ANO3: variants seen among roughly 807,000 people sequenced by gnomAD.
ANO3 encodes the protein anoctamin 3.
In ANO3, 99 loss-of-function variants were observed where a neutral mutation model predicts 144.8. The observed-to-expected ratio is 0.68, with a 90% CI of 0.58 to 0.81. ANO3 has a LOEUF of 0.81. Ranked by LOEUF, ANO3 falls within the 30% of genes least tolerant of loss-of-function variation. ANO3 has a pLI of 0.00. For missense variants in ANO3, 905 were observed against 1,202.2 expected, an observed-to-expected ratio of 0.75 and a Z score of 3.66; for synonymous variants, 414 against 392.6, an observed-to-expected ratio of 1.05 and a Z score of -0.64.
intron 1 of ANO3, among the ~76,000 whole-genome samples, chr11:26,347,393 A>G (rs867464448): frequency 2.0e-4 from 31 of 152,260 alleles, no homozygotes; most frequent in African/African-American, 7.5e-4. Context: ...TTGGATATCT[A>G]GCAAGTAGTA....
At chr11:26,283,528 A>C (rs1208829792) in intron 1 of ANO3, among the ~76,000 whole-genome samples, 1 of 151,788 alleles carries the variant, frequency 6.6e-6, no homozygotes, top group Non-Finnish European at 1.5e-5. Flanking sequence ...CATGAAAAGT[A>C]GTTCATAATC....
At chr11:26,641,777 C>T in intron 21 of ANO3, 119 bp from the exon 22 acceptor site, 7 of 1,106,374 alleles carry the variant, frequency 6.3e-6, no homozygotes, top group South Asian at 3.0e-5. Context: ...AAGGTAAAAC[C>T]AAATACCTCC....
intron 1 of ANO3, among the ~76,000 whole-genome samples, chr11:26,202,382 A>G (rs1851714842): frequency 6.8e-6 from 1 of 147,998 alleles, no homozygotes; most frequent in Non-Finnish European, 1.5e-5. Context: ...TTATATATAT[A>G]TCTTAAGAAT....
intron 12 of ANO3, among the ~76,000 whole-genome samples, chr11:26,550,913 G>A (rs11029611): frequency 0.052 from 7,959 of 151,866 alleles, 266 homozygotes; most frequent in Admixed American, 0.095. Context: ...CAATTTCCCC[G>A]CATTCTCACC....
At chr11:26,365,975 TATATATATATATATA>T (rs1322459144) in intron 1 of ANO3, among the ~76,000 whole-genome samples, 17 of 87,536 alleles carry the variant, frequency 1.9e-4, no homozygotes, top group African/African-American at 4.7e-4. Context: ...TATATATATA[TATATATATATATATA>T]TATATATATA....
intron 14 of ANO3, among the ~76,000 whole-genome samples, chr11:26,571,582 C>G (rs2134290265): frequency 6.6e-6 from 1 of 152,104 alleles, no homozygotes; most frequent in East Asian, 1.9e-4. Flanking sequence ...TTTTCCAAAA[C>G]TATTCTAATA....
chr11:26,442,172 T>C, intron 2 of ANO3, 60 bp downstream of exon 2: 1 of 1,496,504 alleles, frequency 6.7e-7, no homozygotes, highest in Non-Finnish European at 9.1e-7. Context: ...TTCCAAACAC[T>C]CCTTTCCTTC....
At chr11:26,253,621 T>C (rs1186443496) in intron 1 of ANO3, among the ~76,000 whole-genome samples, 4 of 151,942 alleles carry the variant, frequency 2.6e-5, no homozygotes, top group African/African-American at 9.6e-5. Context: ...CCGAATGCTT[T>C]GGTTTGAAAT....
intron 6 of ANO3, among the ~76,000 whole-genome samples, chr11:26,518,021 C>T (rs1404866581): frequency 6.6e-6 from 1 of 151,858 alleles, no homozygotes; most frequent in Non-Finnish European, 1.5e-5. Flanking sequence ...TCTCTATAGA[C>T]TTGATATTTA....
intron 1 of ANO3, among the ~76,000 whole-genome samples, chr11:26,303,088 T>G (rs1854275169): frequency 6.6e-6 from 1 of 152,182 alleles, no homozygotes; most frequent in African/African-American, 2.4e-5. Flanking sequence ...TTATACACTG[T>G]TGGTGGAAAT....
chr11:26,330,347 A>G (rs1372108543), upstream of ANO3, among the ~76,000 whole-genome samples: 2 of 152,196 alleles, frequency 1.3e-5, no homozygotes, highest in Non-Finnish European at 2.9e-5. Context: ...CAATATCTGT[A>G]TTAAAAGCCC....
chr11:26,233,066 A>T (rs1190103062), intron 1 of ANO3, among the ~76,000 whole-genome samples: 2 of 151,952 alleles, frequency 1.3e-5, no homozygotes, highest in Non-Finnish European at 2.9e-5. Context: ...AATACAAAAA[A>T]ATTAGCCAGG....
At chr11:26,399,307 G>A (rs1052767595) in intron 1 of ANO3, among the ~76,000 whole-genome samples, 3 of 151,908 alleles carry the variant, frequency 2.0e-5, no homozygotes, top group African/African-American at 7.2e-5. Context: ...GGGGAAGGAT[G>A]GGGCTTTCAA....
At chr11:26,638,996 A>T in intron 20 of ANO3, 148 bp from the exon 21 acceptor site, 2 of 588,204 alleles carry the variant, frequency 3.4e-6, no homozygotes, top group South Asian at 4.4e-5. Flanking sequence ...GTGCCCTCAT[A>T]CATGCTGTTT....
In ANO3 at chr11:26,643,367, GCTAACACCAATA is replaced by G. The variant is rs750377969; in HGVS notation, c.2428+34_2428+45del. 8 of 1,611,926 alleles carry G rather than the reference GCTAACACCAATA, an allele frequency of 5.0e-6. No individual in the cohort carries two copies. In the African/African-American group the frequency reaches 9.3e-5, roughly 19 times the overall value. ...TCGGAAGTTAAATGATTTTTACGTT[GCTAACACCAATA>G]GGTTGCTATGGTTTGAGTGTGCCCC... is the stretch of plus-strand genomic sequence containing the variant. On this transcript the variant is annotated intron_variant, in intron 23 of 26. Coordinates refer to ENST00000256737, the MANE Select transcript of ANO3 (RefSeq NM_031418.4).
intron 17 of ANO3, among the ~76,000 whole-genome samples, chr11:26,614,945 G>A (rs1034810006): frequency 1.3e-5 from 2 of 152,022 alleles, no homozygotes; most frequent in African/African-American, 4.8e-5. Flanking sequence ...GGAGGGACGA[G>A]TGCCAGGTAA....
At chr11:26,549,543 C>T (rs1320393618) in intron 12 of ANO3, among the ~76,000 whole-genome samples, 3 of 151,848 alleles carry the variant, frequency 2.0e-5, no homozygotes, top group Non-Finnish European at 4.4e-5. Flanking sequence ...AGATGTGGCT[C>T]TATTGATCAT....
chr11:26,328,483 A>G (rs1854948177), upstream of ANO3, among the ~76,000 whole-genome samples: 2 of 152,100 alleles, frequency 1.3e-5, no homozygotes, highest in African/African-American at 2.4e-5. Context: ...CAGAAACAGG[A>G]CTCTCTCAGT....
intron 14 of ANO3, among the ~76,000 whole-genome samples, chr11:26,583,733 T>C (rs987467335): frequency 6.6e-6 from 1 of 152,210 alleles, no homozygotes; most frequent in Non-Finnish European, 1.5e-5. Context: ...GGTGTTGCAA[T>C]AGTGCATTGG....
Sources: allele counts gnomAD v4.1 joint callset (sites outside exome capture counted in the v4.1 genomes callset), GRCh38; gene constraint gnomAD v4.1.1; transcripts MANE v1.5; gene names NCBI Gene and HGNC (gene_info 2026-07-23, HGNC 2026-07-21).